Variants in RBPJ observed in about 807,000 individuals in gnomAD.
The protein encoded by RBPJ is recombining binding protein suppressor of hairless.
A neutral mutation model predicts 67.8 loss-of-function variants in RBPJ; 9 were observed. That is an observed-to-expected ratio of 0.13 (90% CI 0.08 to 0.23). The LOEUF is 0.23. RBPJ is among the 10% of genes least tolerant of loss of function. The pLI is 1.00. For missense variants in RBPJ, 305 were observed against 595.6 expected (o/e 0.51, Z 5.08); for synonymous variants, 198 against 203.3 (o/e 0.97, Z 0.22).
At chr4:26,161,980 A>G, upstream of RBPJ, among the ~76,000 whole-genome samples, 1 of 152,260 alleles carries the variant, frequency 6.6e-6, no homozygotes, top group Non-Finnish European at 1.5e-5. Flanking sequence ...ATCTAGCCCC[A>G]TCTGGGTGAA....
At chr4:26,172,982 C>G (rs1025962326) in intron 1 of RBPJ, among the ~76,000 whole-genome samples, 2 of 152,144 alleles carry the variant, frequency 1.3e-5, no homozygotes, top group Admixed American at 6.5e-5. Flanking sequence ...CACAGGTTAG[C>G]AAGAATTAAC....
At chr4:26,216,747 AC>A (rs1157799096) in intron 1 of RBPJ, among the ~76,000 whole-genome samples, 1 of 151,730 alleles carries the variant, frequency 6.6e-6, no homozygotes, top group Non-Finnish European at 1.5e-5. Flanking sequence ...ACATGGCAAA[AC>A]CCCATCTCTA....
At chr4:26,422,905 G>A (rs906390993) in intron 5 of RBPJ, among the ~76,000 whole-genome samples, 1 of 151,894 alleles carries the variant, frequency 6.6e-6, no homozygotes, top group African/African-American at 2.4e-5. Flanking sequence ...TTAAAAATCA[G>A]ATTGCTTGAA....
At chr4:26,297,364 A>AAG (rs34987416) in intron 1 of RBPJ, among the ~76,000 whole-genome samples, 3,296 of 148,100 alleles carry the variant, frequency 0.022, 114 homozygotes, top group African/African-American at 0.077. Flanking sequence ...GTACGAGAGA[A>AAG]AGAGAGAGAG....
At chr4:26,315,167 A>AAATATATATATAT (rs1325689348), upstream of RBPJ, among the ~76,000 whole-genome samples, 1 of 74,766 alleles carries the variant, frequency 1.3e-5, no homozygotes, top group African/African-American at 6.7e-5. Context: ...AAAAAAAAAA[A>AAATATATATATAT]ATATATATAT....
chr4:26,230,305 A>G (rs190426355), intron 1 of RBPJ, among the ~76,000 whole-genome samples: 100 of 152,328 alleles, frequency 6.6e-4, no homozygotes, highest in African/African-American at 2.3e-3. Context: ...ACCATAATTC[A>G]GGCAAACTTC....
the RBPJ span, among the ~76,000 whole-genome samples, chr4:26,108,717 T>G: frequency 6.6e-6 from 1 of 152,054 alleles, no homozygotes; most frequent in Non-Finnish European, 1.5e-5. Context: ...GTAAGGGGAG[T>G]GGCCTCTTAA....
chr4:26,191,263 AG>A (rs1717534202), intron 1 of RBPJ, among the ~76,000 whole-genome samples: 2 of 138,894 alleles, frequency 1.4e-5, no homozygotes, highest in Non-Finnish European at 1.5e-5. Flanking sequence ...AGAGGGAGAG[AG>A]GGAGAGAGAG....
At chr4:26,429,148 T>C (rs1367726915) in intron 8 of RBPJ, among the ~76,000 whole-genome samples, 1 of 152,166 alleles carries the variant, frequency 6.6e-6, no homozygotes, top group Non-Finnish European at 1.5e-5. Context: ...TATCCAAAAA[T>C]AGATTTTCAG....
intron 1 of RBPJ, among the ~76,000 whole-genome samples, chr4:26,308,014 C>T (rs1041009564): frequency 4.6e-5 from 7 of 152,150 alleles, no homozygotes; most frequent in Non-Finnish European, 7.3e-5. Context: ...CGGTGGCTCA[C>T]GCCTGTAATC....
At chr4:26,279,528 G>A (rs989691613) in intron 1 of RBPJ, among the ~76,000 whole-genome samples, 2 of 151,952 alleles carry the variant, frequency 1.3e-5, no homozygotes, top group Non-Finnish European at 2.9e-5. Flanking sequence ...CACCCGCCTC[G>A]GCCTCCCAAA....
rs142813091 is a variant in RBPJ at position 26,292,088 on chromosome 4, A to G, written c.-166-70358A>G. ...TTAATGTGTGGTGAAAATATTTAAGATCTAATGTCTTAGCAGATTTCAAGT... is the reference window on the plus strand; with the variant it reads ...TTAATGTGTGGTGAAAATATTTAAGGTCTAATGTCTTAGCAGATTTCAAGT... On this transcript the variant is annotated intron_variant, in intron 1 of 4. Coordinates refer to the RBPJ transcript ENST00000512351. Among the ~76,000 whole-genome samples, 23 of 150,772 alleles carry G rather than the reference A, an allele frequency of 1.5e-4. 4 individuals carry two copies. The East Asian group carries it at 3.4e-3, about 22-fold the overall frequency.
chr4:26,109,446 CTCTCTCTCTCTCTCTATATATATATA>C, the RBPJ span, among the ~76,000 whole-genome samples: 20 of 27,524 alleles, frequency 7.3e-4, no homozygotes, highest in African/African-American at 2.1e-3. Context: ...CTCTCTCTCT[CTCTCTCTCTCTCTCTATATATATATA>C]TATATATATA....
chr4:26,277,208 G>A (rs1436618008), intron 1 of RBPJ, among the ~76,000 whole-genome samples: 2 of 150,644 alleles, frequency 1.3e-5, no homozygotes, highest in East Asian at 3.9e-4. Context: ...CGAGTTCAAG[G>A]CTTCAGTGAG....
chr4:26,126,944 A>G, the RBPJ span, among the ~76,000 whole-genome samples: 10 of 152,238 alleles, frequency 6.6e-5, no homozygotes, highest in Non-Finnish European at 1.2e-4. Context: ...ATTACGCCTT[A>G]AAGGACAACT....
intron 1 of RBPJ, among the ~76,000 whole-genome samples, chr4:26,328,768 A>G (rs1458072514): frequency 6.6e-6 from 1 of 152,184 alleles, no homozygotes; most frequent in Non-Finnish European, 1.5e-5. Flanking sequence ...TGCTAGGACT[A>G]TAGGTGTGTG....
chr4:26,386,146 GCTTA>G (rs935386260), intron 1 of RBPJ, among the ~76,000 whole-genome samples: 27 of 152,022 alleles, frequency 1.8e-4, no homozygotes, highest in Non-Finnish European at 1.6e-4. Flanking sequence ...CATTTGTAAG[GCTTA>G]CTTAGGGCAT....
rs1436743599 is a variant in RBPJ, at chr4:26,432,460, C to T, written c.*1453C>T. 1 of 152,164 alleles carries T rather than the reference C, an allele frequency of 6.6e-6. No homozygotes were observed. The highest frequency in any genetic ancestry group is 1.5e-5 in the Non-Finnish European group (1 of 68,026). The allele number at this position is 152,164 out of a possible 1,614,324, so 9.4% of individuals were successfully genotyped here. On this transcript the variant is annotated 3_prime_UTR_variant, in exon 11 of 11. Transcript: ENST00000355476. ...GTACTGAGCATCTCCACAAATGTCT[C>T]CTAACTCAGAAAATGTTTCTTTTCT...
chr4:26,116,959 G>A, the RBPJ span, among the ~76,000 whole-genome samples: 2 of 152,204 alleles, frequency 1.3e-5, no homozygotes, highest in Non-Finnish European at 2.9e-5. Context: ...CCCAGGTCTA[G>A]ATTAAAGCCT....
Sources: gnomAD v4.1 joint callset for allele counts (sites outside exome capture counted in the v4.1 genomes callset) on GRCh38, gnomAD v4.1.1 for gene constraint, MANE v1.5 for transcripts, NCBI Gene and HGNC (gene_info 2026-07-23, HGNC 2026-07-21) for gene names.